Variants in THRAP3 observed in about 807,000 individuals in gnomAD.
THRAP3 encodes thyroid hormone receptor-associated protein 3.
In THRAP3, 16 loss-of-function variants were observed where a neutral mutation model predicts 101.0. The observed-to-expected ratio is 0.16, with a 90% confidence interval of 0.11 to 0.24. The LOEUF (loss-of-function observed/expected upper bound fraction) is 0.24. THRAP3 is among the 10% of genes least tolerant of loss of function. The probability of loss-of-function intolerance (pLI) is 1.00; values close to 1 mark genes in which losing one functional copy is unlikely to be tolerated. For synonymous variants in THRAP3, 407 were observed against 422.6 expected, an observed-to-expected ratio of 0.96 and a Z score of 0.45; for missense variants, 989 against 1,202.7, an observed-to-expected ratio of 0.82 and a Z score of 2.63.
At chr1:36,258,090 C>G (rs1228784653) in intron 1 of THRAP3, among the ~76,000 whole-genome samples, 1 of 152,064 alleles carries the variant, frequency 6.6e-6, no homozygotes, top group African/African-American at 2.4e-5. Context: ...CCGCCCGCCT[C>G]GGCCTCCCAA....
At chr1:36,261,591 A>G (rs546004028) in intron 2 of THRAP3, among the ~76,000 whole-genome samples, 4 of 152,308 alleles carry the variant, frequency 2.6e-5, no homozygotes, top group East Asian at 1.9e-4. Flanking sequence ...TTCATATGCT[A>G]TTCCAAAAGG....
chr1:36,285,024 G>A (rs1029735208), intron 3 of THRAP3, among the ~76,000 whole-genome samples: 2 of 151,810 alleles, frequency 1.3e-5, no homozygotes, highest in Non-Finnish European at 2.9e-5. Context: ...AAAAATCTGA[G>A]TACAGTGGGC....
chr1:36,250,122 T>TAA (rs1645281221), intron 1 of THRAP3, among the ~76,000 whole-genome samples: 1 of 152,156 alleles, frequency 6.6e-6, no homozygotes. Context: ...AGGTAGACTC[T>TAA]GGATATATTA....
At position 36,264,066 on chromosome 1, in the gene THRAP3, G is replaced by A. The variant is rs1299445908; in HGVS notation, c.-32+4582G>A. Among the ~76,000 whole-genome samples, 7 of 152,336 alleles carry A rather than the reference G, an allele frequency of 4.6e-5. No homozygotes were observed. In the South Asian group the frequency reaches 8.3e-4, roughly 18 times the overall value. On this transcript the variant is annotated intron_variant, in intron 2 of 11. Coordinates refer to ENST00000354618, the MANE Select transcript of THRAP3 (RefSeq NM_005119.4). ...TTGTAGGCAGATTTGGTTTTTGTTT[G>A]TTTGTTTTTTTGAGACGGAGTCTCG... is the stretch of plus-strand genomic sequence containing the variant.
intron 1 of THRAP3, among the ~76,000 whole-genome samples, chr1:36,252,369 C>T (rs1310444081): frequency 6.6e-6 from 1 of 152,184 alleles, no homozygotes; most frequent in African/African-American, 2.4e-5. Flanking sequence ...AAGTGATCCA[C>T]CTGCCTTGGC....
At chr1:36,214,398 T>C in the THRAP3 span, among the ~76,000 whole-genome samples, 67 of 152,278 alleles carry the variant, frequency 4.4e-4, no homozygotes, top group South Asian at 0.013. Flanking sequence ...ATGTCCTCTG[T>C]TTTTTGAATC....
chr1:36,290,202 C>CTT (rs899412806), intron 5 of THRAP3, among the ~76,000 whole-genome samples: 1 of 146,764 alleles, frequency 6.8e-6, no homozygotes. Flanking sequence ...TCTCTCTCTT[C>CTT]TTTTTTTTTT....
At chr1:36,234,346 G>A (rs566175312) in intron 1 of THRAP3, among the ~76,000 whole-genome samples, 1 of 152,324 alleles carries the variant, frequency 6.6e-6, no homozygotes, top group East Asian at 1.9e-4. Flanking sequence ...TGGTGGGGCA[G>A]GGAGGTGTCT....
chr1:36,305,040 T>G lies in THRAP3; in HGVS notation c.*1023T>G, dbSNP rs551617970. ...TCTTTGTCTTTTTAACCTTAAGCTG[T>G]TTAAGTTGAAGCATTCTCAGATGTT... On this transcript the variant is annotated 3_prime_UTR_variant, in exon 12 of 12. Transcript: ENST00000354618. 2 of 208,980 alleles carry G rather than the reference T, an allele frequency of 9.6e-6. No individual in the cohort carries two copies. The highest frequency in any genetic ancestry group is 1.4e-4 in the East Asian group (2 of 14,210). The allele number at this position is 208,980 out of a possible 1,614,324, so 12.9% of individuals were successfully genotyped here.
chr1:36,219,149 GATCA>G, the THRAP3 span, among the ~76,000 whole-genome samples: 1 of 151,432 alleles, frequency 6.6e-6, no homozygotes, highest in African/African-American at 2.4e-5. Flanking sequence ...AAGAAGATCA[GATCA>G]GTCACAGCAT....
At chr1:36,209,592 A>G in the THRAP3 span, among the ~76,000 whole-genome samples, 1 of 152,200 alleles carries the variant, frequency 6.6e-6, no homozygotes, top group Non-Finnish European at 1.5e-5. Context: ...GCCTGTTTCA[A>G]CAAAGCAGGT....
intron 8 of THRAP3, among the ~76,000 whole-genome samples, chr1:36,295,416 A>G (rs545700893): frequency 1.2e-4 from 19 of 152,158 alleles, no homozygotes; most frequent in Non-Finnish European, 2.1e-4. Context: ...ACTACCATGC[A>G]CCTTTGCCCC....
At chr1:36,265,946 G>T (rs1027426941) in intron 2 of THRAP3, among the ~76,000 whole-genome samples, 1 of 152,000 alleles carries the variant, frequency 6.6e-6, no homozygotes, top group Non-Finnish European at 1.5e-5. Flanking sequence ...TTGAGGTCAG[G>T]AGTTTGAGAC....
intron 8 of THRAP3, 90 bp from the exon 9 acceptor site, chr1:36,296,493 C>T: frequency 9.3e-7 from 1 of 1,069,636 alleles, no homozygotes; most frequent in Admixed American, 2.7e-5. Flanking sequence ...CTCTGCACCC[C>T]TCCATTGGAG....
At chr1:36,256,790 A>G (rs982065280) in intron 1 of THRAP3, among the ~76,000 whole-genome samples, 2 of 151,926 alleles carry the variant, frequency 1.3e-5, no homozygotes, top group African/African-American at 2.4e-5. Context: ...AACCGTTTGC[A>G]TTGCAGACAT....
intron 2 of THRAP3, among the ~76,000 whole-genome samples, chr1:36,261,832 G>T (rs900220817): frequency 2.0e-5 from 3 of 152,112 alleles, no homozygotes; most frequent in Non-Finnish European, 2.9e-5. Flanking sequence ...GGTCTCTTAC[G>T]TAGAGTTGTG....
At chr1:36,247,870 C>CTTT (rs550667195) in intron 1 of THRAP3, among the ~76,000 whole-genome samples, 12 of 128,524 alleles carry the variant, frequency 9.3e-5, no homozygotes, top group Non-Finnish European at 1.3e-4. Flanking sequence ...CCATCTTCAT[C>CTTT]TTTTTTTTTT....
the THRAP3 span, among the ~76,000 whole-genome samples, chr1:36,210,703 G>GTA: frequency 8.2e-3 from 22 of 2,682 alleles, 2 homozygotes; most frequent in Non-Finnish European, 0.01. Context: ...AAAAAAAAAA[G>GTA]TATATATATA....
At chr1:36,244,368 G>A (rs886130442) in intron 1 of THRAP3, among the ~76,000 whole-genome samples, 3 of 151,916 alleles carry the variant, frequency 2.0e-5, no homozygotes, top group Non-Finnish European at 4.4e-5. Flanking sequence ...CTTCCAATTT[G>A]TAATTAAAAA....
Sources: allele counts gnomAD v4.1 joint callset (sites outside exome capture counted in the v4.1 genomes callset), GRCh38; gene constraint gnomAD v4.1.1; transcripts MANE v1.5; gene names NCBI Gene and HGNC (gene_info 2026-07-23, HGNC 2026-07-21).